The following CYLC1 variants were observed in gnomAD, a reference collection of about 807,000 sequenced individuals.
CYLC1 encodes the protein cylicin-1.
CYLC1 carries 2 observed loss-of-function variants against 31.6 expected under a neutral mutation model. The observed-to-expected ratio is 0.06, with a 90% CI of 0.03 to 0.20. CYLC1 has a LOEUF of 0.20. Ranked by LOEUF, CYLC1 falls within the 10% of genes least tolerant of loss-of-function variation. The probability of loss-of-function intolerance (pLI) is 1.00; values close to 1 mark genes in which losing one functional copy is unlikely to be tolerated. For missense variants in CYLC1, 595 were observed against 424.1 expected, an observed-to-expected ratio of 1.40 and a Z score of -3.54; for synonymous variants, 185 against 153.0, an observed-to-expected ratio of 1.21 and a Z score of -1.54.
chrX:83,877,908 A>ATT (rs2031798680), intron 4 of CYLC1, among the ~76,000 whole-genome samples: 2 of 21,594 alleles, frequency 9.3e-5, no homozygotes, highest in Non-Finnish European at 2.3e-4. Context: ...AAATATATAT[A>ATT]AATATATATA....
intron 1 of CYLC1, among the ~76,000 whole-genome samples, chrX:83,866,217 G>A (rs2031590536): frequency 9.0e-6 from 1 of 111,436 alleles, no homozygotes; most frequent in Admixed American, 9.6e-5. Flanking sequence ...ATTGAACATG[G>A]ATAGAATAAC....
chrX:83,884,376 G>C (rs1228763803), intron 4 of CYLC1, among the ~76,000 whole-genome samples: 1 of 111,589 alleles, frequency 9.0e-6, no homozygotes, highest in African/African-American at 3.3e-5. Flanking sequence ...CACTCTGTGG[G>C]TTGTTTGTTT....
chrX:83,866,479 G>A (rs1315944679), intron 1 of CYLC1, among the ~76,000 whole-genome samples: 1 of 110,720 alleles, frequency 9.0e-6, no homozygotes, highest in Non-Finnish European at 1.9e-5. Flanking sequence ...CTGCCAGCCT[G>A]ATTCCTGCCT....
intron 4 of CYLC1, among the ~76,000 whole-genome samples, chrX:83,878,696 A>T (rs1462604229): frequency 9.7e-6 from 1 of 102,573 alleles, no homozygotes; most frequent in Non-Finnish European, 2.0e-5. Context: ...TAGATATGTC[A>T]TTAAAACAAG....
chrX:83,882,010 A>G (rs976543669), intron 4 of CYLC1, among the ~76,000 whole-genome samples: 2 of 111,018 alleles, frequency 1.8e-5, no homozygotes, highest in Non-Finnish European at 3.8e-5. Flanking sequence ...GATTTTATCT[A>G]TTGAAAAGAA....
rs1445580268 is a variant in CYLC1, at chrX:83,874,551, T to A, written c.1843T>A (p.Ser615Thr). ...ACCACCACTCCCTGCTTGTGAGCCT[T>A]CTCTACCATCACCAAAGGTCAGACG... The part of the protein sequence containing the change: ...EKPPLPACEP[S>T]LPSPKVRRLC... The change falls in exon 4 of 5, where the codon TCT becomes ACT. Residue 615 changes from serine to threonine, a missense_variant. Transcript: ENST00000329312. 14 of 1,208,021 alleles carry A rather than the reference T, an allele frequency of 1.2e-5. No individual in the cohort carries two copies. The highest frequency in any genetic ancestry group is 3.5e-5 in the African/African-American group (2 of 56,927).
In CYLC1 at chrX:83,861,198, T is replaced by C; in HGVS notation, c.16T>C (p.Leu6=). 8.4e-7 allele frequency: 1 copy of C among 1,190,923 alleles called. No individual in the cohort carries two copies. Among genetic ancestry groups the C allele is most frequent in the South Asian group, 1.8e-5 (1 of 54,203 alleles). Residue 6 remains leucine (L), a splice_region_variant and synonymous_variant, in exon 1 of 5, where the codon TTG becomes CTG. Coordinates refer to ENST00000329312, the MANE Select transcript of CYLC1 (RefSeq NM_021118.3). ...GGCAGGGGAAATGTCTCTTCCAAGG[T>C]TGTAAGTCCTCTTTTTAATATTTTT... MSLPR[L]LKVNIRTYDN... is the part of the protein sequence containing the mutation.
chrX:83,865,495 C>G (rs1039676384), intron 1 of CYLC1, among the ~76,000 whole-genome samples: 7 of 111,678 alleles, frequency 6.3e-5, no homozygotes, highest in Admixed American at 5.7e-4. Context: ...TTCATATTGC[C>G]TCTGTAACAA....
chrX:83,886,386 C>A (rs185288551), intron 4 of CYLC1, among the ~76,000 whole-genome samples, 166 bp from the exon 5 acceptor site: 1 of 111,240 alleles, frequency 9.0e-6, no homozygotes, highest in Non-Finnish European at 1.9e-5. Context: ...GGGGTGGAGA[C>A]CAGGGATCTG....
chrX:83,864,844 G>T, intron 1 of CYLC1: 3 of 217,100 alleles, frequency 1.4e-5, no homozygotes, highest in South Asian at 5.6e-5. Context: ...TGCTTTCTTG[G>T]TTTTCCTTCT....
intron 1 of CYLC1, among the ~76,000 whole-genome samples, chrX:83,862,322 G>C (rs1373989834): frequency 9.4e-6 from 1 of 106,468 alleles, no homozygotes; most frequent in African/African-American, 3.4e-5. Flanking sequence ...ACGAAGTCAG[G>C]AGATCGAGAC....
At position 83,873,141 on chromosome X, in the gene CYLC1, A is replaced by C. The variant is rs1366972997; in HGVS notation, c.433A>C (p.Lys145Gln). The C allele has an allele frequency of 1.7e-6, 2 of 1,198,681 alleles. No individual in the cohort carries two copies. Among genetic ancestry groups the C allele is most frequent in the Non-Finnish European group, 2.2e-6 (2 of 889,880 alleles). ...TTCATATGCAACAAATCCAGAATCC[A>C]AGCAAATAGTAGAAGAGAAAACTAA... ...GGSYATNPES[K>Q]QIVEEKTKRQ... Residue 145 changes from lysine to glutamine, a missense_variant, in exon 4 of 5, where the codon AAG (lysine) becomes CAG (glutamine). Physicochemically the swap from Lys to Gln is moderately conservative, Grantham distance 53. Transcript: ENST00000329312.
intron 4 of CYLC1, among the ~76,000 whole-genome samples, chrX:83,879,134 T>C (rs774774856): frequency 9.0e-6 from 1 of 110,886 alleles, no homozygotes; most frequent in Non-Finnish European, 1.9e-5. Context: ...GTGTTTTGTT[T>C]TCCATTCTGT....
chrX:83,886,634 C>G lies in CYLC1; in HGVS notation c.*50C>G. 1.9e-6 allele frequency: 2 copies of G among 1,035,858 alleles called. No individual in the cohort carries two copies. Among genetic ancestry groups the G allele is most frequent in the Non-Finnish European group, 1.4e-6 (1 of 739,794 alleles). 85.4% of individuals were successfully genotyped at this position (1,035,858 alleles called of 1,213,427 possible). ...CAGAATGGCCTTACCACAGTAAGCA[C>G]CACCTACTCTCAAATGAGCATTTCT... is the stretch of plus-strand genomic sequence containing the variant. On this transcript the variant is annotated 3_prime_UTR_variant, in exon 5 of 5. Coordinates refer to ENST00000329312, the MANE Select transcript of CYLC1 (RefSeq NM_021118.3).
At position 83,874,448 on chromosome X, in the gene CYLC1, A is replaced by G; in HGVS notation, c.1740A>G (p.Arg580=). 7 of 1,209,760 alleles carry G rather than the reference A, an allele frequency of 5.8e-6. No individual in the cohort carries two copies. The highest frequency in any genetic ancestry group is 1.7e-5 in the African/African-American group (1 of 57,634). ...GACTGGAATCAAAGAGAGGATTCAG[A>G]ATGTCATCCAAAAAGACTACATTCA... The part of the protein sequence containing the change: ...MEGLESKRGF[R]MSSKKTTFNE... Residue 580 remains arginine (R), a synonymous_variant, in exon 4 of 5, where the codon AGA becomes AGG. Transcript: ENST00000329312.
chrX:83,871,589 A>G lies in CYLC1; in HGVS notation c.177+19A>G, dbSNP rs1240311506. 1.7e-6 allele frequency: 2 copies of G among 1,165,142 alleles called. No homozygotes were observed. Among genetic ancestry groups the G allele is most frequent in the African/African-American group, 3.6e-5 (2 of 55,119 alleles). On this transcript the variant is annotated intron_variant, in intron 3 of 4. Coordinates refer to ENST00000329312, the MANE Select transcript of CYLC1 (RefSeq NM_021118.3). ...AGTTACTGTAAGTATAGAAAAAGTC[A>G]TTTTTAAAAACGAAATCTAAGTTGG...
At chrX:83,882,727 G>T (rs750444805) in intron 4 of CYLC1, among the ~76,000 whole-genome samples, 1 of 110,768 alleles carries the variant, frequency 9.0e-6, no homozygotes. Flanking sequence ...GGGAGCATTA[G>T]TCTACCACTA....
At chrX:83,875,738 G>A (rs753077978) in intron 4 of CYLC1, among the ~76,000 whole-genome samples, 17 of 111,433 alleles carry the variant, frequency 1.5e-4, no homozygotes, top group Non-Finnish European at 2.6e-4. Context: ...ACCATATCAA[G>A]TCCCTATTCT....
Position 83,873,902 on chromosome X carries a change from G to C in CYLC1, c.1194G>C (p.Lys398Asn). Residue 398 changes from lysine to asparagine, a missense_variant, in exon 4 of 5, where the codon AAG (lysine) becomes AAC (asparagine). Transcript: ENST00000329312. ...CTTCAAAGAATGATGACAAGAAAAA[G>C]GATGCAAAGAAAATTACATTCTCTA... Reference protein sequence around the residue: ...KKASKNDDKKKDAKKITFSTD... With the variant: ...KKASKNDDKKNDAKKITFSTD... 2 of 1,196,440 alleles carry C rather than the reference G, an allele frequency of 1.7e-6. No homozygotes were observed. The highest frequency in any genetic ancestry group is 1.1e-6 in the Non-Finnish European group (1 of 886,648).
Sources: gnomAD v4.1 joint callset for allele counts (sites outside exome capture counted in the v4.1 genomes callset) on GRCh38, gnomAD v4.1.1 for gene constraint, MANE v1.5 for transcripts, NCBI Gene and HGNC (gene_info 2026-07-23, HGNC 2026-07-21) for gene names.